TRIM9: variants seen among roughly 807,000 people sequenced by gnomAD.
TRIM9 encodes the protein tripartite motif containing 9, also known as E3 ubiquitin-protein ligase TRIM9.
TRIM9 carries 26 observed loss-of-function variants against 78.3 expected under a neutral mutation model. The observed-to-expected ratio is 0.33, with a 90% CI of 0.24 to 0.46. The LOEUF (loss-of-function observed/expected upper bound fraction) is 0.46. Among genes scored for constraint, TRIM9 ranks in the 20% least tolerant of loss-of-function variants. TRIM9 has a pLI of 1.00. For synonymous variants in TRIM9, 398 were observed against 416.5 expected (o/e 0.96, Z 0.54); for missense variants, 787 against 1,036.4 (o/e 0.76, Z 3.30).
At chr14:51,038,775 C>G (rs755310756) in intron 1 of TRIM9, among the ~76,000 whole-genome samples, 14 of 152,306 alleles carry the variant, frequency 9.2e-5, no homozygotes, top group South Asian at 2.1e-4. Context: ...GCTTCTCCGT[C>G]AGTCTGGAAT....
intron 1 of TRIM9, among the ~76,000 whole-genome samples, chr14:51,071,765 C>T (rs2062290976): frequency 6.6e-6 from 1 of 152,162 alleles, no homozygotes; most frequent in South Asian, 2.1e-4. Context: ...GCAGTCACAC[C>T]ACTGCACTCC....
intron 12 of TRIM9, among the ~76,000 whole-genome samples, 176 bp from the exon 13 acceptor site, chr14:50,977,529 C>T (rs1596076523): frequency 1.3e-5 from 2 of 152,208 alleles, no homozygotes; most frequent in African/African-American, 4.8e-5. Context: ...TAACAGGCTG[C>T]TCACCATGGT....
intron 1 of TRIM9, among the ~76,000 whole-genome samples, chr14:51,072,206 TC>T (rs1299306119): frequency 6.6e-6 from 1 of 152,188 alleles, no homozygotes. Context: ...TTCTTTTTTT[TC>T]ATAGGGAAAC....
At chr14:51,089,537 C>T (rs1175583057) in intron 1 of TRIM9, among the ~76,000 whole-genome samples, 1 of 152,118 alleles carries the variant, frequency 6.6e-6, no homozygotes, top group Non-Finnish European at 1.5e-5. Flanking sequence ...ATGGCATATA[C>T]AGGAGAAACA....
At chr14:50,986,214 G>C in intron 7 of TRIM9, 70 bp from the exon 8 acceptor site, 1 of 1,282,560 alleles carries the variant, frequency 7.8e-7, no homozygotes, top group Non-Finnish European at 1.0e-6. Context: ...GGTTCCCCAA[G>C]ACCTGCCTTA....
intron 1 of TRIM9, among the ~76,000 whole-genome samples, chr14:51,062,159 T>C (rs2061399970): frequency 1.3e-5 from 2 of 152,246 alleles, no homozygotes; most frequent in African/African-American, 4.8e-5. Context: ...GTTCTTTTTA[T>C]GGTTCCTCTC....
At position 51,022,879 on chromosome 14, in the gene TRIM9, G is replaced by A. The variant is rs750998417; in HGVS notation, c.997C>T (p.Gln333Ter). ...LIDALNRRKA[Q>*]LLARVNKEHE... ...TCCTTGTTGACGCGGGCCAGCAGCTGGGCTTTTCTTCTGTTGAGGGCATCG... is the reference window on the plus strand; with the variant it reads ...TCCTTGTTGACGCGGGCCAGCAGCTAGGCTTTTCTTCTGTTGAGGGCATCG... Residue 333 changes from glutamine to a stop codon, truncating the protein, a stop_gained, in exon 3 of 13, where the codon CAG (glutamine) becomes TAG (stop). Transcript: ENST00000684578. LOFTEE classifies it high-confidence loss of function. 1 of 1,614,138 alleles carries A rather than the reference G, an allele frequency of 6.2e-7. No individual in the cohort carries two copies. The highest frequency in any genetic ancestry group is 8.5e-7 in the Non-Finnish European group (1 of 1,180,022).
At chr14:50,985,907 C>T (rs566283708) in intron 8 of TRIM9, 49 bp downstream of exon 8, 5 of 1,365,872 alleles carry the variant, frequency 3.7e-6, no homozygotes, top group Non-Finnish European at 4.8e-6. Flanking sequence ...TTCAGAGATG[C>T]CTTCAAGGCA....
intron 1 of TRIM9, among the ~76,000 whole-genome samples, chr14:51,027,392 C>T (rs537676352): frequency 6.6e-6 from 1 of 152,242 alleles, no homozygotes; most frequent in East Asian, 1.9e-4. Flanking sequence ...GATCCACCCA[C>T]CTCGACCTCC....
rs1000472124 is a variant in TRIM9, at chr14:51,094,405, T to A, written c.535A>T (p.Thr179Ser). Reference protein sequence around the residue: ...QLCEKAPKEATVMCEQCDVFY... With the variant: ...QLCEKAPKEASVMCEQCDVFY... The stretch of plus-strand genomic sequence containing the variant: ...ACATCGCACTGTTCGCACATGACGG[T>A]GGCTTCCTTGGGCGCCTTCTCGCAG... The change falls in exon 1 of 13, where the codon ACC (threonine) becomes TCC (serine). Residue 179 changes from threonine to serine, a missense_variant. Transcript: ENST00000684578. The A allele has an allele frequency of 8.7e-6, 14 of 1,613,802 alleles. No individual in the cohort carries two copies. Among genetic ancestry groups the A allele is most frequent in the Non-Finnish European group, 3.4e-6 (4 of 1,180,010 alleles).
chr14:50,996,505 C>T, intron 7 of TRIM9: 1 of 985,416 alleles, frequency 1.0e-6, no homozygotes, highest in South Asian at 4.7e-5. Context: ...AAATAGTTTT[C>T]CCGCAGATCT....
At chr14:51,023,344 C>T (rs775445983) in intron 2 of TRIM9, among the ~76,000 whole-genome samples, 9 of 151,876 alleles carry the variant, frequency 5.9e-5, no homozygotes, top group East Asian at 1.9e-4. Context: ...TGCTGAGGCA[C>T]GAGAAATCAT....
intron 1 of TRIM9, among the ~76,000 whole-genome samples, chr14:51,063,689 T>C (rs2061519673): frequency 6.6e-6 from 1 of 152,112 alleles, no homozygotes; most frequent in Admixed American, 6.6e-5. Flanking sequence ...GAATCAAATT[T>C]TTAAAATACT....
chr14:51,054,896 C>T (rs995569190), intron 1 of TRIM9, among the ~76,000 whole-genome samples: 1 of 149,326 alleles, frequency 6.7e-6, no homozygotes. Context: ...ATGGTGCTAT[C>T]TTGGCTCACT....
intron 6 of TRIM9, among the ~76,000 whole-genome samples, chr14:50,998,420 GT>G (rs2054508935): frequency 6.6e-6 from 1 of 152,166 alleles, no homozygotes; most frequent in Admixed American, 6.5e-5. Flanking sequence ...ACTTAATGTT[GT>G]ATATGCAGAT....
rs71422012 is a variant in TRIM9, at chr14:51,042,672, T to A, written c.823-17312A>T. On this transcript the variant is annotated intron_variant, in intron 1 of 12. Coordinates refer to ENST00000684578, the MANE Select transcript of TRIM9 (RefSeq NM_001387360.1). ...AGTCTCTCTTTTCCCATCCCTTACG[T>A]TGAACATCTTCTTCCTTGGGGGAAG... is the stretch of plus-strand genomic sequence containing the variant. 6.8e-3 allele frequency among the ~76,000 whole-genome samples: 1,038 copies of A among 152,298 alleles called. 7 individuals carry two copies. Among genetic ancestry groups the A allele is most frequent in the Middle Eastern group, 0.024 (7 of 294 alleles).
intron 7 of TRIM9, among the ~76,000 whole-genome samples, chr14:50,987,934 G>A (rs1284019670): frequency 6.6e-6 from 1 of 152,154 alleles, no homozygotes; most frequent in African/African-American, 2.4e-5. Context: ...CAGAGTAGCA[G>A]GGACTACAGG....
Position 51,054,979 on chromosome 14 carries a change from G to A in TRIM9, c.823-29619C>T, listed in dbSNP as rs574867942. On this transcript the variant is annotated intron_variant, in intron 1 of 12. Coordinates refer to ENST00000684578, the MANE Select transcript of TRIM9 (RefSeq NM_001387360.1). ...TGAGTAGCTGGGACAACAAGCGCGC[G>A]CCACCAGGCCCAGCTAATTTTTGCA... 3.9e-4 allele frequency among the ~76,000 whole-genome samples: 59 copies of A among 151,792 alleles called. No homozygotes were observed. The East Asian group carries it at 7.6e-3, about 19-fold the overall frequency.
chr14:51,003,884 C>T (rs1166496731), intron 5 of TRIM9, among the ~76,000 whole-genome samples: 1 of 152,196 alleles, frequency 6.6e-6, no homozygotes, highest in East Asian at 1.9e-4. Flanking sequence ...GCCAAAATTA[C>T]AGCCTCATTA....
Sources: gnomAD v4.1 joint callset for allele counts (sites outside exome capture counted in the v4.1 genomes callset) on GRCh38, gnomAD v4.1.1 for gene constraint, MANE v1.5 for transcripts, NCBI Gene and HGNC (gene_info 2026-07-23, HGNC 2026-07-21) for gene names.